Variants in GABRB3 observed in about 807,000 individuals in gnomAD.
GABRB3 encodes the protein gamma-aminobutyric acid receptor subunit beta-3.
GABRB3 carries 14 observed loss-of-function variants against 52.1 expected under a neutral mutation model. The observed-to-expected ratio is 0.27, with a 90% CI of 0.18 to 0.42. GABRB3 has a LOEUF of 0.42. Ranked by LOEUF, GABRB3 falls within the 10% of genes least tolerant of loss-of-function variation. GABRB3 has a pLI of 1.00. For synonymous variants in GABRB3, 260 were observed against 232.3 expected (o/e 1.12, Z -1.08); for missense variants, 307 against 609.1 (o/e 0.50, Z 5.22).
At chr15:26,601,019 C>T (rs1014984946) in intron 4 of GABRB3, among the ~76,000 whole-genome samples, 2 of 152,040 alleles carry the variant, frequency 1.3e-5, no homozygotes, top group African/African-American at 4.8e-5. Context: ...CGTATGTAAT[C>T]AAAATTGGCT....
chr15:26,579,350 G>T (rs1481940133), intron 6 of GABRB3, among the ~76,000 whole-genome samples: 1 of 152,134 alleles, frequency 6.6e-6, no homozygotes, highest in East Asian at 1.9e-4. Flanking sequence ...CAGCCTGGGG[G>T]GCTGTGCCGG....
intron 4 of GABRB3, among the ~76,000 whole-genome samples, chr15:26,597,002 C>G (rs918578687): frequency 9.2e-5 from 14 of 152,236 alleles, no homozygotes; most frequent in African/African-American, 3.1e-4. Flanking sequence ...GGCTCATGTG[C>G]TAGTTCAGAT....
intron 6 of GABRB3, among the ~76,000 whole-genome samples, chr15:26,577,887 A>C (rs1382032732): frequency 1.3e-5 from 2 of 152,134 alleles, no homozygotes; most frequent in Non-Finnish European, 2.9e-5. Context: ...CCTGGGTTCA[A>C]GCGATCCTCC....
intron 4 of GABRB3, among the ~76,000 whole-genome samples, chr15:26,606,888 T>G (rs755502364): frequency 7.0e-6 from 1 of 142,806 alleles, no homozygotes; most frequent in Non-Finnish European, 1.5e-5. Flanking sequence ...ACTCTACACT[T>G]CTATATTTGA....
chr15:26,762,400 T>C (rs1190427458), intron 3 of GABRB3, among the ~76,000 whole-genome samples: 2 of 152,188 alleles, frequency 1.3e-5, no homozygotes, highest in Non-Finnish European at 2.9e-5. Flanking sequence ...TACTCTTCTC[T>C]GCTATTGTCA....
chr15:26,665,521 T>C (rs1179309095), intron 3 of GABRB3, among the ~76,000 whole-genome samples: 2 of 152,236 alleles, frequency 1.3e-5, no homozygotes, highest in African/African-American at 4.8e-5. Flanking sequence ...ACGTTTTCTT[T>C]TTGATATTTA....
At chr15:26,608,317 G>C (rs917768207) in intron 4 of GABRB3, among the ~76,000 whole-genome samples, 2 of 151,994 alleles carry the variant, frequency 1.3e-5, no homozygotes, top group Admixed American at 6.6e-5. Flanking sequence ...ACTCAAAATT[G>C]ATTAAAACTT....
intron 3 of GABRB3, among the ~76,000 whole-genome samples, chr15:26,666,980 C>T (rs1887733788): frequency 6.6e-6 from 1 of 151,606 alleles, no homozygotes; most frequent in South Asian, 2.1e-4. Context: ...CTGAAAATGA[C>T]CTCAGCCAGC....
intron 4 of GABRB3, among the ~76,000 whole-genome samples, chr15:26,587,493 C>G (rs1566760808): frequency 6.6e-6 from 1 of 152,158 alleles, no homozygotes; most frequent in South Asian, 2.1e-4. Flanking sequence ...GCATGCCCCT[C>G]CCTAAGCCAC....
chr15:26,561,419 C>A (rs750204688), intron 7 of GABRB3, among the ~76,000 whole-genome samples: 4 of 151,460 alleles, frequency 2.6e-5, no homozygotes, highest in Non-Finnish European at 5.9e-5. Context: ...CTCCCTCCCC[C>A]ACCCACCCCC....
At chr15:26,650,840 C>T (rs1337697205) in intron 3 of GABRB3, among the ~76,000 whole-genome samples, 2 of 152,070 alleles carry the variant, frequency 1.3e-5, no homozygotes, top group African/African-American at 4.8e-5. Context: ...GATGGTTGGA[C>T]TTTGAGGAGA....
chr15:26,620,287 C>T (rs995241390), intron 4 of GABRB3, among the ~76,000 whole-genome samples: 2 of 152,144 alleles, frequency 1.3e-5, no homozygotes, highest in East Asian at 1.9e-4. Context: ...CTCTATACTG[C>T]GGTTCTGAGA....
chr15:26,682,781 C>T (rs1430217191), intron 3 of GABRB3, among the ~76,000 whole-genome samples: 1 of 152,188 alleles, frequency 6.6e-6, no homozygotes, highest in East Asian at 1.9e-4. Flanking sequence ...AAAAGACATC[C>T]CTTGTCCTCC....
intron 3 of GABRB3, among the ~76,000 whole-genome samples, chr15:26,726,476 A>G (rs528366889): frequency 6.6e-6 from 1 of 152,318 alleles, no homozygotes; most frequent in South Asian, 2.1e-4. Context: ...CAAGGAATGG[A>G]CATTGCATTT....
At chr15:26,745,189 C>A (rs1480057674) in intron 3 of GABRB3, among the ~76,000 whole-genome samples, 1 of 152,186 alleles carries the variant, frequency 6.6e-6, no homozygotes, top group African/African-American at 2.4e-5. Context: ...ATGACCCAAA[C>A]GCCTCCCACC....
chr15:26,641,516 T>C (rs562281052), intron 3 of GABRB3, among the ~76,000 whole-genome samples: 1 of 152,256 alleles, frequency 6.6e-6, no homozygotes. Flanking sequence ...AGCATTCCTA[T>C]GGAATACAAA....
Position 26,620,146 on chromosome 15 carries a change from A to C in GABRB3, c.461+1168T>G, listed in dbSNP as rs71397207. On this transcript the variant is annotated intron_variant, in intron 4 of 8. Coordinates refer to ENST00000311550, the MANE Select transcript of GABRB3 (RefSeq NM_000814.6). ...AACCACAGGTCTCATTTTCAGGCAAAAACATAAAATGCTGAAAACTTCCCA... is the reference window on the plus strand; with the variant it reads ...AACCACAGGTCTCATTTTCAGGCAACAACATAAAATGCTGAAAACTTCCCA... Among the ~76,000 whole-genome samples, 874 of 152,256 alleles carry C rather than the reference A, an allele frequency of 5.7e-3. 4 individuals carry two copies. Among genetic ancestry groups the C allele is most frequent in the Non-Finnish European group, 8.1e-3 (553 of 68,016 alleles).
chr15:26,655,695 T>C (rs1887350496), intron 3 of GABRB3, among the ~76,000 whole-genome samples: 1 of 150,698 alleles, frequency 6.6e-6, no homozygotes, highest in African/African-American at 2.4e-5. Flanking sequence ...TCAGCCAAGA[T>C]CGTGCCACTG....
At chr15:26,662,689 T>C (rs1014749672) in intron 3 of GABRB3, among the ~76,000 whole-genome samples, 3 of 152,092 alleles carry the variant, frequency 2.0e-5, no homozygotes, top group Non-Finnish European at 2.9e-5. Flanking sequence ...CCCTCACTTC[T>C]AATGCACAGT....
Sources: allele counts gnomAD v4.1 joint callset (sites outside exome capture counted in the v4.1 genomes callset), GRCh38; gene constraint gnomAD v4.1.1; transcripts MANE v1.5; gene names NCBI Gene and HGNC (gene_info 2026-07-23, HGNC 2026-07-21).